Variants in FBXW8 observed in about 807,000 individuals in gnomAD.
FBXW8 encodes the protein F-box and WD repeat domain containing 8.
In FBXW8, 57 loss-of-function variants were observed where a neutral mutation model predicts 65.3. The observed-to-expected ratio is 0.87, with a 90% CI of 0.71 to 1.09. The LOEUF is 1.09. Among genes scored for constraint, FBXW8 ranks in the 50% least tolerant of loss-of-function variants. FBXW8 has a pLI of 0.00. For missense variants in FBXW8, 777 were observed against 814.8 expected (o/e 0.95, Z 0.57); for synonymous variants, 308 against 330.2 (o/e 0.93, Z 0.73).
At chr12:117,022,818 T>A (rs1954131997) in intron 8 of FBXW8, among the ~76,000 whole-genome samples, 1 of 152,112 alleles carries the variant, frequency 6.6e-6, no homozygotes, top group Non-Finnish European at 1.5e-5. Flanking sequence ...AGCATTAAAA[T>A]TGCAACATCT....
intron 8 of FBXW8, among the ~76,000 whole-genome samples, chr12:117,011,238 CCGGGCTGCAGGTGG>C (rs1424438163): frequency 6.6e-6 from 1 of 151,454 alleles, no homozygotes; most frequent in Non-Finnish European, 1.5e-5. Flanking sequence ...GGGCCCGGCC[CCGGGCTGCAGGTGG>C]CGGGCTGCTC....
chr12:116,965,429 A>G (rs766065066), intron 5 of FBXW8, among the ~76,000 whole-genome samples: 12 of 152,240 alleles, frequency 7.9e-5, no homozygotes, highest in Non-Finnish European at 1.8e-4. Context: ...AGTTAGCTTT[A>G]TCTATGCAAA....
At position 117,028,150 on chromosome 12, in the gene FBXW8, C is replaced by T. The variant is rs1196174977; in HGVS notation, c.1775C>T (p.Ala592Val). Residue 592 changes from alanine (A) to valine (V), a missense_variant, in exon 11 of 11, where the codon GCC (alanine) becomes GTC (valine). Physicochemically the swap from Ala to Val is moderately conservative, Grantham distance 64. Coordinates refer to ENST00000652555, the MANE Select transcript of FBXW8 (RefSeq NM_153348.3). This position sits in a 1 kb window ranked among gnomAD's most constrained non-coding sequence, Gnocchi z 4.1. The stretch of plus-strand genomic sequence containing the variant: ...ACTCACTACTACGACCTCGCACTGG[C>T]CTTTCCCTATAACCATGTTTAGGGA... Reference protein sequence around the residue: ...MATHYYDLALAFPYNHV With the variant: ...MATHYYDLALVFPYNHV 2 of 1,614,148 alleles carry T rather than the reference C, an allele frequency of 1.2e-6. No homozygotes were observed. Among genetic ancestry groups the T allele is most frequent in the Admixed American group, 3.3e-5 (2 of 60,028 alleles).
chr12:116,984,086 A>G (rs991722402), intron 5 of FBXW8, among the ~76,000 whole-genome samples: 2 of 152,248 alleles, frequency 1.3e-5, no homozygotes, highest in Admixed American at 6.5e-5. Context: ...AGCCTAATGC[A>G]GAGAGTAATC....
rs777459906 is a variant in FBXW8 at position 116,959,799 on chromosome 12, A to G, written c.678-4898A>G. 3.3e-5 allele frequency among the ~76,000 whole-genome samples: 5 copies of G among 152,312 alleles called. No individual in the cohort carries two copies. In the East Asian group the frequency reaches 7.7e-4, roughly 24 times the overall value. The stretch of plus-strand genomic sequence containing the variant: ...CCATTCTTTCAACAAAAAATCAGCT[A>G]TGGTCTCTGACCTATTTATTTAGAG... On this transcript the variant is annotated intron_variant, in intron 4 of 10. Transcript: ENST00000652555.
chr12:116,933,702 T>A (rs1881949347), intron 2 of FBXW8, among the ~76,000 whole-genome samples: 1 of 152,348 alleles, frequency 6.6e-6, no homozygotes. Flanking sequence ...ATCTGTGAAG[T>A]CAGGAGTTTT....
intron 7 of FBXW8, among the ~76,000 whole-genome samples, chr12:116,995,308 T>C (rs1056399127): frequency 6.3e-4 from 96 of 152,122 alleles, no homozygotes; most frequent in African/African-American, 2.1e-3. Context: ...TTCTGTAAAA[T>C]GAGGAGGGTT....
rs150967720 is a variant in FBXW8 at position 117,028,146 on chromosome 12, C to A, written c.1771C>A (p.Leu591Met). 2.5e-6 allele frequency: 4 copies of A among 1,614,074 alleles called. No individual in the cohort carries two copies. The highest frequency in any genetic ancestry group is 3.4e-6 in the Non-Finnish European group (4 of 1,180,036). Residue 591 changes from leucine to methionine, a missense_variant, in exon 11 of 11, where the codon CTG becomes ATG. By Grantham distance (15) the Leu-to-Met change is conservative. Transcript: ENST00000652555. This position sits in a 1 kb window ranked among gnomAD's most constrained non-coding sequence, Gnocchi z 4.1. ...AMATHYYDLA[L>M]AFPYNHV is the part of the protein sequence containing the mutation. ...GGCCACTCACTACTACGACCTCGCA[C>A]TGGCCTTTCCCTATAACCATGTTTA...
intron 5 of FBXW8, among the ~76,000 whole-genome samples, chr12:116,983,420 G>A (rs754941569): frequency 3.9e-5 from 6 of 152,288 alleles, no homozygotes; most frequent in South Asian, 2.1e-4. Flanking sequence ...TTTTAGATGC[G>A]AAGCAACATT....
intron 9 of FBXW8, 99 bp downstream of exon 9, chr12:117,024,419 C>T: frequency 7.1e-7 from 1 of 1,418,000 alleles, no homozygotes; most frequent in Non-Finnish European, 9.7e-7. Flanking sequence ...GCCCCCTACC[C>T]CCCGGCTTCG....
At chr12:116,987,746 A>G (rs745317043) in intron 6 of FBXW8, among the ~76,000 whole-genome samples, 1 of 152,190 alleles carries the variant, frequency 6.6e-6, no homozygotes, top group South Asian at 2.1e-4. Context: ...CCAACCTTTT[A>G]TTTTTTGAAT....
intron 4 of FBXW8, among the ~76,000 whole-genome samples, chr12:116,959,181 CT>C (rs1443429594): frequency 2.0e-5 from 3 of 152,200 alleles, no homozygotes; most frequent in Admixed American, 6.5e-5. Context: ...CATACTGAGC[CT>C]TTTTTGTTGG....
chr12:117,024,156 C>CCACGA lies in FBXW8; in HGVS notation c.1379_1383dup (p.Leu462ThrfsTer45). The CCACGA allele has an allele frequency of 6.2e-7, 1 of 1,613,706 alleles. No homozygotes were observed. The highest frequency in any genetic ancestry group is 8.5e-7 in the Non-Finnish European group (1 of 1,179,796). ...TCCTGGGCCTGTCCAGGGTGAGGAT[C>CCACGA]CACGACCTCCGCAGTGGTAACATCG... On this transcript the variant is annotated frameshift_variant, in exon 9 of 11. Coordinates refer to ENST00000652555, the MANE Select transcript of FBXW8 (RefSeq NM_153348.3). LOFTEE classifies it high-confidence loss of function.
intron 1 of FBXW8, among the ~76,000 whole-genome samples, chr12:116,921,856 C>G (rs1461233543): frequency 1.7e-5 from 2 of 119,908 alleles, no homozygotes; most frequent in Non-Finnish European, 3.3e-5. Flanking sequence ...TAGACAGGCT[C>G]TCTCTCGCTT....
rs572379925 is a variant in FBXW8, at chr12:116,961,746, G to A, written c.678-2951G>A. On this transcript the variant is annotated intron_variant, in intron 4 of 10. Coordinates refer to ENST00000652555, the MANE Select transcript of FBXW8 (RefSeq NM_153348.3). The surrounding 1 kb of genome is among the most constrained non-coding windows in gnomAD (Gnocchi z 4.4). ...CATGCACCACTGCCATGACGGAGAC[G>A]TCCAGGCTGCCGTGAAGGTAGATCG... Among the ~76,000 whole-genome samples, 3 of 152,324 alleles carry A rather than the reference G, an allele frequency of 2.0e-5. No individual in the cohort carries two copies. Among genetic ancestry groups the A allele is most frequent in the South Asian group, 2.1e-4 (1 of 4,828 alleles).
chr12:116,935,969 C>A (rs1882129608), intron 2 of FBXW8, among the ~76,000 whole-genome samples: 1 of 152,118 alleles, frequency 6.6e-6, no homozygotes. Flanking sequence ...AGGTACTGTT[C>A]TATATAGTGA....
intron 5 of FBXW8, among the ~76,000 whole-genome samples, chr12:116,972,790 AAC>A (rs901351813): frequency 6.6e-6 from 1 of 152,190 alleles, no homozygotes; most frequent in African/African-American, 2.4e-5. Flanking sequence ...TAGAGAAGTA[AAC>A]AGAGATGTAC....
chr12:117,003,312 C>T (rs1953585833), intron 7 of FBXW8, among the ~76,000 whole-genome samples: 1 of 152,226 alleles, frequency 6.6e-6, no homozygotes, highest in South Asian at 2.1e-4. Context: ...ATGTGCCAAA[C>T]ACTGCACAGG....
chr12:116,942,655 T>A (rs1882676073), intron 2 of FBXW8, among the ~76,000 whole-genome samples: 3 of 152,070 alleles, frequency 2.0e-5, no homozygotes, highest in Admixed American at 1.3e-4. Flanking sequence ...ATTACAGGCG[T>A]GAGCCACTGC....
Sources: allele counts gnomAD v4.1 joint callset (sites outside exome capture counted in the v4.1 genomes callset), GRCh38; gene constraint gnomAD v4.1.1; non-coding constraint Gnocchi (gnomAD v3.1); transcripts MANE v1.5; gene names NCBI Gene and HGNC (gene_info 2026-07-23, HGNC 2026-07-21).